The following PUDP variants were observed in gnomAD, a reference collection of about 807,000 sequenced individuals.
PUDP encodes the protein pseudouridine-5'-phosphatase.
A neutral mutation model predicts 9.4 loss-of-function variants in PUDP; 8 were observed. The observed-to-expected ratio is 0.85, with a 90% CI of 0.50 to 1.53. The LOEUF (loss-of-function observed/expected upper bound fraction) is 1.53. Among genes scored for constraint, PUDP ranks in the 40% most tolerant of loss-of-function variants. The probability of loss-of-function intolerance (pLI) is 0.00; values close to 1 mark genes in which losing one functional copy is unlikely to be tolerated. For synonymous variants in PUDP, 99 were observed against 80.7 expected, an observed-to-expected ratio of 1.23 and a Z score of -1.22; for missense variants, 188 against 189.7, an observed-to-expected ratio of 0.99 and a Z score of 0.05.
intron 1 of PUDP, among the ~76,000 whole-genome samples, chrX:6,720,258 GTATA>G (rs543397118): frequency 1.9e-3 from 91 of 48,796 alleles, no homozygotes; most frequent in East Asian, 0.014. Context: ...GTGTGTGTGT[GTATA>G]TATATATATA....
At chrX:6,908,124 T>A (rs1359682339) in intron 3 of PUDP, among the ~76,000 whole-genome samples, 1 of 112,569 alleles carries the variant, frequency 8.9e-6, no homozygotes, top group Non-Finnish European at 1.9e-5. Context: ...CATGCCCGCA[T>A]GGGCTTCTTT....
intron 3 of PUDP, among the ~76,000 whole-genome samples, chrX:6,793,132 C>T (rs1034641020): frequency 3.6e-5 from 4 of 112,672 alleles, no homozygotes; most frequent in Admixed American, 9.4e-5. Context: ...CTCTCTGCTC[C>T]CTAAATGGTG....
chrX:6,961,761 A>G (rs1279997274), intron 3 of PUDP, among the ~76,000 whole-genome samples: 1 of 111,601 alleles, frequency 9.0e-6, no homozygotes, highest in Non-Finnish European at 1.9e-5. Flanking sequence ...GCATGACCCA[A>G]GAACAGAACT....
intron 1 of PUDP, among the ~76,000 whole-genome samples, chrX:7,004,144 G>A (rs1195640909): frequency 9.0e-6 from 1 of 111,690 alleles, no homozygotes; most frequent in Admixed American, 9.5e-5. Flanking sequence ...CCAAAGTGCA[G>A]GGATTACAGG....
At chrX:6,870,760 T>C (rs993601273) in intron 3 of PUDP, among the ~76,000 whole-genome samples, 1 of 112,621 alleles carries the variant, frequency 8.9e-6, no homozygotes, top group Non-Finnish European at 1.9e-5. Flanking sequence ...AAGCAATCAG[T>C]CTTCTGCCAA....
intron 1 of PUDP, among the ~76,000 whole-genome samples, chrX:7,027,800 ATT>A (rs1390586962): frequency 0.01 from 337 of 32,153 alleles, 7 homozygotes; most frequent in African/African-American, 0.041. Context: ...TATAGAATAT[ATT>A]ATTTTCTATA....
Position 6,782,723 on chromosome X carries a change from T to C in PUDP, c.*248-76257A>G, listed in dbSNP as rs145006010. On this transcript the variant is annotated intron_variant and NMD_transcript_variant, in intron 3 of 3. Coordinates refer to the PUDP transcript ENST00000655425. ...GCCTGTCTAGAAGATGTCAGTCACTTAGACATCTTTAAAAATGTCTGAAAA... is the reference window on the plus strand; with the variant it reads ...GCCTGTCTAGAAGATGTCAGTCACTCAGACATCTTTAAAAATGTCTGAAAA... Among the ~76,000 whole-genome samples the C allele has an allele frequency of 8.2e-3, 921 of 112,404 alleles. 8 individuals carry two copies. The highest frequency in any genetic ancestry group is 0.028 in the African/African-American group (864 of 30,971).
chrX:6,789,215 A>G (rs1276830688), intron 3 of PUDP, among the ~76,000 whole-genome samples: 1 of 110,214 alleles, frequency 9.1e-6, no homozygotes, highest in Admixed American at 9.7e-5. Flanking sequence ...GCTTGAACCC[A>G]GGAGGTAGAG....
intron 3 of PUDP, chrX:7,057,911 G>A (rs772208240): frequency 1.5e-5 from 9 of 618,518 alleles, no homozygotes; most frequent in African/African-American, 1.1e-4. Context: ...AGAAGGGCCC[G>A]CGGCTTGTGA....
intron 1 of PUDP, among the ~76,000 whole-genome samples, chrX:6,714,977 G>A (rs1006875950): frequency 4.0e-5 from 4 of 99,323 alleles, no homozygotes; most frequent in Non-Finnish European, 7.8e-5. Context: ...GTGTATGTGT[G>A]TGTGTATATA....
chrX:7,093,333 T>C (rs1285951499), intron 2 of PUDP, among the ~76,000 whole-genome samples: 2 of 112,278 alleles, frequency 1.8e-5, no homozygotes, highest in African/African-American at 3.2e-5. Context: ...CAACTTTCCA[T>C]GCCCAAGTAA....
At chrX:6,837,891 C>CA (rs60159618) in intron 3 of PUDP, among the ~76,000 whole-genome samples, 35,539 of 98,710 alleles carry the variant, frequency 0.36, 5,515 homozygotes, top group African/African-American at 0.54. Context: ...CTATTTCTAC[C>CA]AAAAAAAAAA....
chrX:7,110,292 T>C (rs1932006455), intron 1 of PUDP, among the ~76,000 whole-genome samples: 1 of 112,429 alleles, frequency 8.9e-6, no homozygotes. Context: ...GCAAATCAAG[T>C]AACATTTTAT....
At chrX:6,744,666 G>A (rs778581392) in intron 3 of PUDP, among the ~76,000 whole-genome samples, 2 of 111,134 alleles carry the variant, frequency 1.8e-5, no homozygotes, top group East Asian at 2.8e-4. Context: ...AATCCTATCC[G>A]AGGTCTCACA....
chrX:6,963,852 T>C (rs1285694519), intron 3 of PUDP, among the ~76,000 whole-genome samples: 1 of 112,414 alleles, frequency 8.9e-6, no homozygotes, highest in Non-Finnish European at 1.9e-5. Context: ...CATTTTGCAG[T>C]TGTTCTAAAG....
rs1398041038 is a variant in PUDP at position 7,124,286 on chromosome X, G to A, written c.62-18448C>T. 8.9e-5 allele frequency among the ~76,000 whole-genome samples: 10 copies of A among 111,984 alleles called. No individual in the cohort carries two copies. In the Admixed American group the frequency reaches 9.5e-4, roughly 11 times the overall value. ...TTAAACAACATACTCCTAAAAATTTGTGGGTCAAAGATGAAATTATGAGAG... is the reference window on the plus strand; with the variant it reads ...TTAAACAACATACTCCTAAAAATTTATGGGTCAAAGATGAAATTATGAGAG... On this transcript the variant is annotated intron_variant, in intron 1 of 3. Transcript: ENST00000381077.
At chrX:6,750,963 C>T (rs993277112) in intron 3 of PUDP, among the ~76,000 whole-genome samples, 1 of 110,277 alleles carries the variant, frequency 9.1e-6, no homozygotes, top group Non-Finnish European at 1.9e-5. Context: ...CACGGTAAAA[C>T]CCCGTCTCTA....
rs1398788820 is a variant in PUDP at position 6,844,204 on chromosome X, T to A, written c.*247+132929A>T. ...TAAGGACCCTTGTGATTACACTGGGTCCATCTGGATACTCCAGAATCATCT... is the reference window on the plus strand; with the variant it reads ...TAAGGACCCTTGTGATTACACTGGGACCATCTGGATACTCCAGAATCATCT... On this transcript the variant is annotated intron_variant and NMD_transcript_variant, in intron 3 of 3. Transcript: ENST00000655425. 3.5e-5 allele frequency among the ~76,000 whole-genome samples: 4 copies of A among 112,819 alleles called. No homozygotes were observed. The South Asian group carries it at 1.5e-3, about 41-fold the overall frequency.
At chrX:6,829,547 T>C in intron 3 of PUDP, among the ~76,000 whole-genome samples, 1 of 111,921 alleles carries the variant, frequency 8.9e-6, no homozygotes, top group Non-Finnish European at 1.9e-5. Flanking sequence ...TTGGTACTGT[T>C]GGTGTTCTGC....
Sources: gnomAD v4.1 joint callset for allele counts (sites outside exome capture counted in the v4.1 genomes callset) on GRCh38, gnomAD v4.1.1 for gene constraint, MANE v1.5 for transcripts, NCBI Gene and HGNC (gene_info 2026-07-23, HGNC 2026-07-21) for gene names.